The following MAP1B variants were observed in gnomAD, a reference collection of about 807,000 sequenced individuals.
MAP1B encodes microtubule-associated protein 1B.
In MAP1B, 12 loss-of-function variants were observed where a neutral mutation model predicts 176.1. That is an observed-to-expected ratio of 0.07 (90% CI 0.04 to 0.11). MAP1B has a LOEUF of 0.11. Among genes scored for constraint, MAP1B ranks in the 10% least tolerant of loss-of-function variants. The pLI is 1.00. For synonymous variants in MAP1B, 1,044 were observed against 1,135.0 expected, an observed-to-expected ratio of 0.92 and a Z score of 1.61; for missense variants, 2,523 against 2,990.5, an observed-to-expected ratio of 0.84 and a Z score of 3.65.
intron 4 of MAP1B, among the ~76,000 whole-genome samples, chr5:72,192,515 A>G (rs1056754985): frequency 2.6e-5 from 4 of 152,222 alleles, no homozygotes; most frequent in Non-Finnish European, 5.9e-5. Context: ...TTACTGCAAT[A>G]TTGCAGTCGA....
intron 6 of MAP1B, 55 bp downstream of exon 6, chr5:72,203,856 T>C: frequency 1.3e-6 from 2 of 1,541,318 alleles, no homozygotes; most frequent in Middle Eastern, 2.3e-4. Flanking sequence ...CCAGAGGCAA[T>C]GGGAAGGAAC....
intron 2 of MAP1B, among the ~76,000 whole-genome samples, chr5:72,181,790 C>T (rs1409926724): frequency 6.6e-6 from 1 of 150,514 alleles, no homozygotes; most frequent in Non-Finnish European, 1.5e-5. Flanking sequence ...AGTGCAATCT[C>T]GGCTCACTGC....
rs1580038144 is a variant in MAP1B at position 72,208,071 on chromosome 5, A to C, written c.*2832A>C. On this transcript the variant is annotated 3_prime_UTR_variant, in exon 7 of 7. Transcript: ENST00000296755. The stretch of plus-strand genomic sequence containing the variant: ...ATGAAATCTATCAGTACCTTTCTCC[A>C]TCCGTTGTTCTCAATATGACCACAG... 1 of 87,566 alleles carries C rather than the reference A, an allele frequency of 1.1e-5. No individual in the cohort carries two copies. The highest frequency in any genetic ancestry group is 2.2e-5 in the Non-Finnish European group (1 of 46,498). The allele number at this position is 87,566 out of a possible 1,614,324, so 5.4% of individuals were successfully genotyped here. A position where few individuals can be genotyped will look rare whatever the true frequency, so the allele number is the denominator to read the frequency against.
chr5:72,203,717 G>C lies in MAP1B; in HGVS notation c.7167G>C (p.Gly2389=). Residue 2389 remains glycine, a synonymous_variant, in exon 6 of 7, where the codon GGG becomes GGC. Transcript: ENST00000296755. ...GGTCTTCCTACTACGTGGTGAGTGG[G>C]AATGACCCTGCTGCTGAGGAGCCCA... is the stretch of plus-strand genomic sequence containing the variant. ...RVRSSYYVVS[G]NDPAAEEPSR... is the part of the protein sequence containing the mutation. 1 of 1,613,940 alleles carries C rather than the reference G, an allele frequency of 6.2e-7. No individual in the cohort carries two copies. Among genetic ancestry groups the C allele is most frequent in the Non-Finnish European group, 8.5e-7 (1 of 1,179,980 alleles).
chr5:72,194,019 G>C lies in MAP1B; in HGVS notation c.664G>C (p.Glu222Gln). ...IKLNSASILPEMEGLSEFTEY... is the reference protein window; with the variant it reads ...IKLNSASILPQMEGLSEFTEY... ...ACTCAATTCAGCTTCTATCTTGCCAGAAATGGAAGGACTTTCTGAGTTTAC... is the reference window on the plus strand; with the variant it reads ...ACTCAATTCAGCTTCTATCTTGCCACAAATGGAAGGACTTTCTGAGTTTAC... Residue 222 changes from glutamate (E) to glutamine (Q), a missense_variant, in exon 5 of 7, where the codon GAA (glutamate) becomes CAA (glutamine). Glu to Gln is a conservative substitution (Grantham distance 29). Around this residue, in one of 4 missense-constraint regions of MAP1B, gnomAD observed 307 missense variants for 438.4 expected, o/e 0.70. Coordinates refer to ENST00000296755, the MANE Select transcript of MAP1B (RefSeq NM_005909.5). The surrounding 1 kb of genome is among the most constrained non-coding windows in gnomAD (Gnocchi z 7.2). 1 of 1,614,172 alleles carries C rather than the reference G, an allele frequency of 6.2e-7. No individual in the cohort carries two copies. Among genetic ancestry groups the C allele is most frequent in the Non-Finnish European group, 8.5e-7 (1 of 1,180,040 alleles).
rs1747226652 is a variant in MAP1B at position 72,198,043 on chromosome 5, C to T, written c.4688C>T (p.Pro1563Leu). ...STASVATSSF[P>L]EPTTDDVSPS... ...GCCTCAGTGGCTACGAGCTCATTTC[C>T]AGAGCCAACAACAGATGATGTGTCT... is the stretch of plus-strand genomic sequence containing the variant. The change falls in exon 5 of 7, where the codon CCA becomes CTA. Residue 1563 changes from proline to leucine, a missense_variant. By Grantham distance (98) the Pro-to-Leu change is moderately conservative. Around this residue, in one of 4 missense-constraint regions of MAP1B, gnomAD observed 1,925 missense variants for 2,126.0 expected, o/e 0.91. Transcript: ENST00000296755. 5 of 1,614,088 alleles carry T rather than the reference C, an allele frequency of 3.1e-6. No individual in the cohort carries two copies. Among genetic ancestry groups the T allele is most frequent in the African/African-American group, 1.3e-5 (1 of 74,924 alleles).
chr5:72,179,590 G>T, intron 2 of MAP1B: 6 of 984,986 alleles, frequency 6.1e-6, no homozygotes, highest in Non-Finnish European at 7.2e-6. Context: ...GTATGCCAGG[G>T]GTGGGGGCGC....
rs112590564 is a variant in MAP1B at position 72,128,444 on chromosome 5, A to T, written c.286+12645A>T. On this transcript the variant is annotated intron_variant, in intron 2 of 6. Coordinates refer to ENST00000296755, the MANE Select transcript of MAP1B (RefSeq NM_005909.5). ...AAAAACACTCAAAACTGCTACAGAG[A>T]AAAAAGAAAGTGTGAAAAAAGAGAC... Among the ~76,000 whole-genome samples, 57 of 152,062 alleles carry T rather than the reference A, an allele frequency of 3.7e-4. 2 individuals carry two copies. Among genetic ancestry groups the T allele is most frequent in the African/African-American group, 1.2e-3 (51 of 41,506 alleles).
At chr5:72,109,782 A>G (rs1745284383) in intron 1 of MAP1B, among the ~76,000 whole-genome samples, 1 of 152,254 alleles carries the variant, frequency 6.6e-6, no homozygotes, top group African/African-American at 2.4e-5. Context: ...AGGTTTCAGT[A>G]CAACAGTTTT....
intron 2 of MAP1B, among the ~76,000 whole-genome samples, chr5:72,140,958 G>C (rs887727784): frequency 6.6e-6 from 1 of 152,102 alleles, no homozygotes; most frequent in Non-Finnish European, 1.5e-5. Flanking sequence ...TTTGGGGTTG[G>C]GGGTGCACCA....
intron 2 of MAP1B, among the ~76,000 whole-genome samples, chr5:72,129,921 C>G (rs1745698829): frequency 6.6e-6 from 1 of 152,012 alleles, no homozygotes; most frequent in Non-Finnish European, 1.5e-5. Flanking sequence ...CTATTTGGAG[C>G]CTTTGGAATA....
At chr5:72,179,383 G>A (rs1177454829) in intron 2 of MAP1B, among the ~76,000 whole-genome samples, 1 of 152,210 alleles carries the variant, frequency 6.6e-6, no homozygotes, top group Admixed American at 6.5e-5. Flanking sequence ...GCTGGAACCC[G>A]GCTGCCTTTC....
chr5:72,140,937 G>A (rs563918570), intron 2 of MAP1B, among the ~76,000 whole-genome samples: 1 of 152,246 alleles, frequency 6.6e-6, no homozygotes, highest in Admixed American at 6.5e-5. Context: ...AACCATTCTA[G>A]ACAGAAACCT....
intron 2 of MAP1B, among the ~76,000 whole-genome samples, chr5:72,143,602 G>A (rs1745989189): frequency 6.6e-6 from 1 of 152,080 alleles, no homozygotes; most frequent in African/African-American, 2.4e-5. Flanking sequence ...TACCTTCAGT[G>A]TGCTTGTTTC....
intron 3 of MAP1B, among the ~76,000 whole-genome samples, chr5:72,185,551 G>A (rs371896398): frequency 1.3e-5 from 2 of 150,434 alleles, no homozygotes; most frequent in South Asian, 4.2e-4. Flanking sequence ...CCGAGATGGC[G>A]CCACTGCACA....
chr5:72,140,372 C>T (rs985735854), intron 2 of MAP1B, among the ~76,000 whole-genome samples: 1 of 152,186 alleles, frequency 6.6e-6, no homozygotes, highest in Non-Finnish European at 1.5e-5. Context: ...TTATTATCTG[C>T]AATGCATTAT....
chr5:72,193,811 A>C, intron 4 of MAP1B, 55 bp from the exon 5 acceptor site: 1 of 1,506,216 alleles, frequency 6.6e-7, no homozygotes, highest in South Asian at 1.4e-5. Context: ...ATGATGGATC[A>C]GTGATGATAA....
rs558578995 is a variant in MAP1B, at chr5:72,204,108, G to A, written c.7251+307G>A. 6.6e-6 allele frequency among the ~76,000 whole-genome samples: 1 copy of A among 152,302 alleles called. No individual in the cohort carries two copies. Among genetic ancestry groups the A allele is most frequent in the South Asian group, 2.1e-4 (1 of 4,824 alleles). The stretch of plus-strand genomic sequence containing the variant: ...TTGCCCTTCCTCCAGTATGCCAAGA[G>A]TCTTGTGTGTGTGAATCAAAGCGGT... On this transcript the variant is annotated intron_variant, in intron 6 of 6. Transcript: ENST00000296755. The surrounding 1 kb of genome is among the most constrained non-coding windows in gnomAD (Gnocchi z 4.4).
chr5:72,191,981 T>C (rs1326010390), intron 4 of MAP1B, among the ~76,000 whole-genome samples: 1 of 152,216 alleles, frequency 6.6e-6, no homozygotes, highest in Non-Finnish European at 1.5e-5. Flanking sequence ...AGCCAGTGAT[T>C]GAATGCCCCC....
Sources: allele counts gnomAD v4.1 joint callset (sites outside exome capture counted in the v4.1 genomes callset), GRCh38; gene constraint gnomAD v4.1.1; regional missense constraint gnomAD v4.1.1; non-coding constraint Gnocchi (gnomAD v3.1); transcripts MANE v1.5; gene names NCBI Gene and HGNC (gene_info 2026-07-23, HGNC 2026-07-21).